HABP2: variants seen among roughly 807,000 people sequenced by gnomAD.
HABP2 encodes the protein hyaluronan binding protein 2, also known as factor VII-activating protease.
A neutral mutation model predicts 66.5 loss-of-function variants in HABP2; 65 were observed. The ratio of observed to expected loss-of-function variants is 0.98; its 90% CI spans 0.80 to 1.20. The LOEUF is 1.20. Ranked by LOEUF, HABP2 falls within the 50% of genes most tolerant of loss-of-function variation. The pLI, the probability that HABP2 is intolerant of heterozygous loss-of-function variation, is 0.00. For synonymous variants in HABP2, 263 were observed against 253.9 expected (o/e 1.04, Z -0.34); for missense variants, 786 against 691.0 (o/e 1.14, Z -1.54).
intron 1 of HABP2, among the ~76,000 whole-genome samples, chr10:113,560,077 CT>C (rs1845073551): frequency 6.6e-6 from 1 of 152,246 alleles, no homozygotes; most frequent in African/African-American, 2.4e-5. Context: ...TGGTGAACAG[CT>C]TCACCCAGGT....
At chr10:113,587,565 C>T (rs1460797617) in intron 12 of HABP2, among the ~76,000 whole-genome samples, 1 of 152,074 alleles carries the variant, frequency 6.6e-6, no homozygotes, top group Admixed American at 6.5e-5. Flanking sequence ...TTTTTAAAAA[C>T]CTGTCAGTTG....
At chr10:113,584,996 T>C (rs1338922376) in intron 11 of HABP2, among the ~76,000 whole-genome samples, 1 of 152,224 alleles carries the variant, frequency 6.6e-6, no homozygotes, top group African/African-American at 2.4e-5. Flanking sequence ...TCAAAATATA[T>C]TTCTCTTCCT....
At chr10:113,579,686 T>C (rs910679779) in intron 7 of HABP2, among the ~76,000 whole-genome samples, 3 of 152,210 alleles carry the variant, frequency 2.0e-5, no homozygotes, top group Non-Finnish European at 4.4e-5. Context: ...CCAAGGCCAA[T>C]GAGTCAGATG....
At chr10:113,554,425 CCTTT>C (rs1844954481) in intron 1 of HABP2, among the ~76,000 whole-genome samples, 1 of 152,224 alleles carries the variant, frequency 6.6e-6, no homozygotes, top group Admixed American at 6.5e-5. Flanking sequence ...AATAGCTTCT[CCTTT>C]CTTTTCCGTC....
chr10:113,581,911 T>C lies in HABP2; in HGVS notation c.874T>C (p.Ser292Pro). The change falls in exon 9 of 13, where the codon TCA becomes CCA. Residue 292 changes from serine (S) to proline (P), a missense_variant. Coordinates refer to ENST00000351270, the MANE Select transcript of HABP2 (RefSeq NM_004132.5). ...CCCAGAGGAAAGCCCCACTGAGCCA[T>C]CAACCAAGCTTCCGGGGTTTGACTC... ...AYPEESPTEP[S>P]TKLPGFDSCG... 1 of 1,614,112 alleles carries C rather than the reference T, an allele frequency of 6.2e-7. No individual in the cohort carries two copies. Among genetic ancestry groups the C allele is most frequent in the Non-Finnish European group, 8.5e-7 (1 of 1,179,944 alleles).
chr10:113,571,644 A>G (rs542283108), intron 2 of HABP2, among the ~76,000 whole-genome samples: 6 of 152,114 alleles, frequency 3.9e-5, no homozygotes, highest in Non-Finnish European at 7.4e-5. Flanking sequence ...TTGTCATCAG[A>G]TTGGCTCATA....
Position 113,589,168 on chromosome 10 carries a change from C to G in HABP2, c.*799C>G. 1 of 1,049,124 alleles carries G rather than the reference C, an allele frequency of 9.5e-7. No individual in the cohort carries two copies. The highest frequency in any genetic ancestry group is 1.6e-5 in the African/African-American group (1 of 63,670). 65.0% of individuals were successfully genotyped at this position (1,049,124 alleles called of 1,614,324 possible). On this transcript the variant is annotated 3_prime_UTR_variant, in exon 13 of 13. Coordinates refer to ENST00000351270, the MANE Select transcript of HABP2 (RefSeq NM_004132.5). ...TTCCCACAGGACACGCTAAGAAGCA[C>G]AGGGAGCATTTAACAGGCTCACCCT...
At chr10:113,575,857 C>A in intron 3 of HABP2, 40 bp from the exon 4 acceptor site, 1 of 1,194,238 alleles carries the variant, frequency 8.4e-7, no homozygotes, top group Non-Finnish European at 1.2e-6. Flanking sequence ...TTCTCACCTG[C>A]CTTTCCTTAC....
In HABP2 at chr10:113,577,779, C is replaced by G. The variant is rs1885436; in HGVS notation, c.449-247C>G. On this transcript the variant is annotated intron_variant, in intron 5 of 12. Transcript: ENST00000351270. ...CCATGCTTCTTTGTTTCCTTACTGA[C>G]TGACCCATCTACTTATGCACTTAGG... 0.82 allele frequency among the ~76,000 whole-genome samples: 124,672 copies of G among 152,196 alleles called. 51,162 individuals carry two copies. The highest frequency in any genetic ancestry group is 0.94 in the East Asian group (4,869 of 5,176).
chr10:113,563,896 G>A (rs1276707984), intron 1 of HABP2, among the ~76,000 whole-genome samples: 1 of 152,206 alleles, frequency 6.6e-6, no homozygotes, highest in Non-Finnish European at 1.5e-5. Flanking sequence ...CCCTGAGAAA[G>A]GCAAGGCAGG....
chr10:113,585,541 C>T (rs1845617381), intron 11 of HABP2, among the ~76,000 whole-genome samples: 1 of 152,152 alleles, frequency 6.6e-6, no homozygotes, highest in South Asian at 2.1e-4. Context: ...CCTCCTGAAC[C>T]TCATGGCCTA....
intron 8 of HABP2, among the ~76,000 whole-genome samples, 193 bp downstream of exon 8, chr10:113,580,885 G>A (rs1475175121): frequency 6.6e-6 from 1 of 152,212 alleles, no homozygotes; most frequent in Admixed American, 6.5e-5. Flanking sequence ...GGATACCTTT[G>A]TGGGTTTAGG....
Position 113,588,590 on chromosome 10 carries a change from T to C in HABP2, c.*221T>C. On this transcript the variant is annotated 3_prime_UTR_variant, in exon 13 of 13. Transcript: ENST00000351270. Reference sequence around the variant, plus strand: ...CCTCCCTTGGTAACCCAAGGAATGATGGAATCAACACAACATAGTATGTTT... The same window carrying C: ...CCTCCCTTGGTAACCCAAGGAATGACGGAATCAACACAACATAGTATGTTT... 1.8e-6 allele frequency: 1 copy of C among 544,266 alleles called. No individual in the cohort carries two copies. Among genetic ancestry groups the C allele is most frequent in the South Asian group, 2.9e-5 (1 of 33,970 alleles). The allele number at this position is 544,266 out of a possible 1,614,324, so 33.7% of individuals were successfully genotyped here.
At chr10:113,587,659 C>T (rs561506099) in intron 12 of HABP2, among the ~76,000 whole-genome samples, 4 of 152,248 alleles carry the variant, frequency 2.6e-5, no homozygotes, top group East Asian at 1.9e-4. Context: ...CGCCACCTTC[C>T]GTGAGGGTTT....
rs574881889 is a variant in HABP2 at position 113,554,241 on chromosome 10, G to A, written c.69+1051G>A. Among the ~76,000 whole-genome samples the A allele has an allele frequency of 1.3e-3, 197 of 152,264 alleles. 1 individual carries two copies. Among genetic ancestry groups the A allele is most frequent in the African/African-American group, 3.0e-3 (123 of 41,544 alleles). On this transcript the variant is annotated intron_variant, in intron 1 of 12. Transcript: ENST00000351270. ...CTCCATAAAAATCAGAGAATGCTCC[G>A]CCTTGTTCGGGAGGGGTGGTAGAAA...
chr10:113,567,765 T>C (rs1845227356), intron 2 of HABP2, among the ~76,000 whole-genome samples: 2 of 152,210 alleles, frequency 1.3e-5, no homozygotes, highest in Non-Finnish European at 2.9e-5. Flanking sequence ...AAATACTGCC[T>C]ACGTACTTAA....
At position 113,588,971 on chromosome 10, in the gene HABP2, T is replaced by C. The variant is rs1205875720; in HGVS notation, c.*602T>C. On this transcript the variant is annotated 3_prime_UTR_variant, in exon 13 of 13. Transcript: ENST00000351270. ...GGCCTCTCAGGAATCAGGGTGGACA[T>C]GGCTCACAACAGCAGGGCCTTCTTC... 6.2e-7 allele frequency: 1 copy of C among 1,610,530 alleles called. No homozygotes were observed. The highest frequency in any genetic ancestry group is 8.5e-7 in the Non-Finnish European group (1 of 1,176,980).
chr10:113,576,099 A>C, intron 4 of HABP2, 95 bp downstream of exon 4: 1 of 752,614 alleles, frequency 1.3e-6, no homozygotes, highest in Non-Finnish European at 2.4e-6. Context: ...CATGGAAAGG[A>C]TTATAACTGC....
rs370799650 is a variant in HABP2 at position 113,588,981 on chromosome 10, C to G, written c.*612C>G. On this transcript the variant is annotated 3_prime_UTR_variant, in exon 13 of 13. Coordinates refer to ENST00000351270, the MANE Select transcript of HABP2 (RefSeq NM_004132.5). The stretch of plus-strand genomic sequence containing the variant: ...GAATCAGGGTGGACATGGCTCACAA[C>G]AGCAGGGCCTTCTTCTTTTTGACGT... 3.7e-6 allele frequency: 6 copies of G among 1,613,088 alleles called. No individual in the cohort carries two copies. In the African/African-American group the frequency reaches 8.0e-5, roughly 22 times the overall value.
Sources: gnomAD v4.1 joint callset for allele counts (sites outside exome capture counted in the v4.1 genomes callset) on GRCh38, gnomAD v4.1.1 for gene constraint, MANE v1.5 for transcripts, NCBI Gene and HGNC (gene_info 2026-07-23, HGNC 2026-07-21) for gene names.